The following OSBPL10 variants were observed in gnomAD, a reference collection of about 807,000 sequenced individuals.
The protein encoded by OSBPL10 is oxysterol-binding protein-related protein 10.
A neutral mutation model predicts 81.7 loss-of-function variants in OSBPL10; 49 were observed. The ratio of observed to expected loss-of-function variants is 0.60; its 90% CI spans 0.48 to 0.76. The LOEUF is 0.76. OSBPL10 is among the 30% of genes least tolerant of loss of function. OSBPL10 has a pLI of 0.00. For synonymous variants in OSBPL10, 419 were observed against 383.6 expected, an observed-to-expected ratio of 1.09 and a Z score of -1.08; for missense variants, 923 against 987.8, an observed-to-expected ratio of 0.93 and a Z score of 0.88.
At chr3:32,042,753 G>A (rs1388675933) in intron 2 of OSBPL10, among the ~76,000 whole-genome samples, 1 of 151,974 alleles carries the variant, frequency 6.6e-6, no homozygotes, top group Non-Finnish European at 1.5e-5. Flanking sequence ...AAGGGGAGGG[G>A]GTGCAAGAAC....
At chr3:31,894,209 G>A (rs926147735) in intron 1 of OSBPL10, among the ~76,000 whole-genome samples, 44 of 152,260 alleles carry the variant, frequency 2.9e-4, no homozygotes, top group African/African-American at 9.1e-4. Flanking sequence ...AGGAGCGGTC[G>A]GAGTTGGAGA....
chr3:31,678,083 G>A (rs1324697289), intron 8 of OSBPL10, among the ~76,000 whole-genome samples: 1 of 70,244 alleles, frequency 1.4e-5, no homozygotes, highest in Non-Finnish European at 2.2e-5. Flanking sequence ...GCGAGACTCC[G>A]TCTCAAAAAA....
intron 4 of OSBPL10, among the ~76,000 whole-genome samples, chr3:31,752,040 A>G (rs185773101): frequency 6.6e-6 from 1 of 152,320 alleles, no homozygotes. Context: ...CACATGTGAG[A>G]AGATAAATGT....
At chr3:31,903,804 A>G (rs1299483765) in intron 1 of OSBPL10, among the ~76,000 whole-genome samples, 6 of 152,152 alleles carry the variant, frequency 3.9e-5, no homozygotes, top group Non-Finnish European at 4.4e-5. Context: ...AAAATCTTCT[A>G]CCTCAGAGCA....
intron 1 of OSBPL10, among the ~76,000 whole-genome samples, chr3:32,060,075 A>G (rs1261366844): frequency 2.0e-5 from 3 of 148,462 alleles, no homozygotes; most frequent in African/African-American, 7.6e-5. Context: ...TGAAAAGTCA[A>G]TGAGCTATAT....
intron 7 of OSBPL10, among the ~76,000 whole-genome samples, chr3:31,688,266 A>ATC (rs72309837): frequency 0.013 from 1,667 of 130,758 alleles, 31 homozygotes; most frequent in East Asian, 0.039. Context: ...CCCTGCACAA[A>ATC]TCTCTCTCTC....
intron 1 of OSBPL10, among the ~76,000 whole-genome samples, chr3:31,959,456 C>CA (rs1235407228): frequency 6.6e-6 from 1 of 152,142 alleles, no homozygotes; most frequent in African/African-American, 2.4e-5. Flanking sequence ...TAAGATATCC[C>CA]AAACACAATC....
At chr3:32,033,808 A>G (rs886332858) in intron 2 of OSBPL10, among the ~76,000 whole-genome samples, 1 of 152,214 alleles carries the variant, frequency 6.6e-6, no homozygotes, top group African/African-American at 2.4e-5. Context: ...CATGCCTGTG[A>G]TCCCAGCATT....
intron 1 of OSBPL10, among the ~76,000 whole-genome samples, chr3:32,068,544 G>A (rs760471474): frequency 7.3e-5 from 11 of 151,694 alleles, no homozygotes; most frequent in East Asian, 3.9e-4. Flanking sequence ...TTCAACTCTC[G>A]CCTGACCTAA....
chr3:31,724,667 C>A (rs1260785196), intron 6 of OSBPL10, among the ~76,000 whole-genome samples: 6 of 152,118 alleles, frequency 3.9e-5, no homozygotes, highest in African/African-American at 1.4e-4. Flanking sequence ...TGAAATTAAT[C>A]CCCCAAAACT....
intron 1 of OSBPL10, among the ~76,000 whole-genome samples, chr3:31,965,520 A>AT (rs1698318295): frequency 1.3e-5 from 1 of 79,560 alleles, no homozygotes; most frequent in African/African-American, 5.4e-5. Flanking sequence ...ATAATATATA[A>AT]ACTATTATAT....
intron 11 of OSBPL10, 81 bp from the exon 12 acceptor site, chr3:31,662,197 CTGTG>C (rs1217043625): frequency 3.7e-6 from 6 of 1,603,474 alleles, no homozygotes; most frequent in Non-Finnish European, 5.1e-6. Context: ...CGCAGCCACT[CTGTG>C]TGTCTGCCGT....
At position 31,733,321 on chromosome 3, in the gene OSBPL10, T is replaced by C. The variant is rs992392920; in HGVS notation, c.1031A>G (p.Asn344Ser). ...TLGSLPSASA[N>S]ITWAILPNSA... ...GTTTGGTAAAATTGCCCAGGTTATG[T>C]TGGCACTGGCTGATGGCAAAGAGCC... Residue 344 changes from asparagine to serine, a missense_variant, in exon 6 of 12, where the codon AAC becomes AGC. Around this residue, in one of 3 missense-constraint regions of OSBPL10, gnomAD observed 514 missense variants for 508.0 expected, o/e 1.01. Coordinates refer to ENST00000396556, the MANE Select transcript of OSBPL10 (RefSeq NM_017784.5). The C allele has an allele frequency of 1.9e-6, 3 of 1,613,478 alleles. No homozygotes were observed. Among genetic ancestry groups the C allele is most frequent in the South Asian group, 1.1e-5 (1 of 90,786 alleles).
chr3:31,732,073 A>G (rs1221726006), intron 6 of OSBPL10, among the ~76,000 whole-genome samples: 3 of 152,214 alleles, frequency 2.0e-5, no homozygotes, highest in African/African-American at 7.2e-5. Context: ...AATGATTACT[A>G]AAGATCTAAT....
At chr3:31,862,441 GAACTTT>G (rs1188115136) in intron 3 of OSBPL10, among the ~76,000 whole-genome samples, 1 of 151,904 alleles carries the variant, frequency 6.6e-6, no homozygotes, top group African/African-American at 2.4e-5. Flanking sequence ...TTCCACCCTA[GAACTTT>G]AACTATCATG....
At chr3:32,051,580 C>A (rs1170455343) in intron 1 of OSBPL10, among the ~76,000 whole-genome samples, 1 of 152,156 alleles carries the variant, frequency 6.6e-6, no homozygotes, top group Non-Finnish European at 1.5e-5. Context: ...CTTTGGAGAT[C>A]CAGGATCTGG....
chr3:31,946,424 T>C (rs1280644968), intron 1 of OSBPL10, among the ~76,000 whole-genome samples: 2 of 151,378 alleles, frequency 1.3e-5, no homozygotes. Context: ...AAAACCCTTG[T>C]ATTAAGAAAA....
At chr3:31,956,072 C>G (rs564088684) in intron 1 of OSBPL10, among the ~76,000 whole-genome samples, 3 of 152,290 alleles carry the variant, frequency 2.0e-5, no homozygotes, top group Non-Finnish European at 4.4e-5. Flanking sequence ...GATCTTGGTT[C>G]TCCCAGAAAC....
chr3:31,979,769 C>G (rs904502432), intron 1 of OSBPL10, among the ~76,000 whole-genome samples: 4 of 151,858 alleles, frequency 2.6e-5, no homozygotes, highest in African/African-American at 9.7e-5. Flanking sequence ...TTGTCTTCCT[C>G]ACGATGGCAG....
Sources: allele counts gnomAD v4.1 joint callset (sites outside exome capture counted in the v4.1 genomes callset), GRCh38; gene constraint gnomAD v4.1.1; regional missense constraint gnomAD v4.1.1; transcripts MANE v1.5; gene names NCBI Gene and HGNC (gene_info 2026-07-23, HGNC 2026-07-21).